Variants in NCOA2 observed in about 807,000 individuals in gnomAD.
NCOA2 encodes the protein nuclear receptor coactivator 2, also known as class E basic helix-loop-helix protein 75.
In NCOA2, 21 loss-of-function variants were observed where a neutral mutation model predicts 145.1. The ratio of observed to expected loss-of-function variants is 0.14; its 90% CI spans 0.10 to 0.21. NCOA2 has a LOEUF of 0.21. Among genes scored for constraint, NCOA2 ranks in the 10% least tolerant of loss-of-function variants. The pLI, the probability that NCOA2 is intolerant of heterozygous loss-of-function variation, is 1.00. For synonymous variants in NCOA2, 619 were observed against 637.5 expected (o/e 0.97, Z 0.44); for missense variants, 1,472 against 1,837.6 (o/e 0.80, Z 3.64).
At position 70,181,326 on chromosome 8, in the gene NCOA2, T is replaced by C. The variant is rs948324276; in HGVS notation, c.260-6467A>G. 4.9e-4 allele frequency among the ~76,000 whole-genome samples: 75 copies of C among 152,370 alleles called. 1 individual carries two copies. The highest frequency in any genetic ancestry group is 9.4e-4 in the Non-Finnish European group (64 of 68,034). On this transcript the variant is annotated intron_variant, in intron 4 of 22. Transcript: ENST00000452400. Reference sequence around the variant, plus strand: ...ACACTGTCATTATGGTAGAAGTTGATACTCTTGCTTTTTCCTTTTTTGGGG... The same window carrying C: ...ACACTGTCATTATGGTAGAAGTTGACACTCTTGCTTTTTCCTTTTTTGGGG...
At chr8:70,426,151 C>T in the NCOA2 span, among the ~76,000 whole-genome samples, 1 of 152,158 alleles carries the variant, frequency 6.6e-6, no homozygotes, top group Non-Finnish European at 1.5e-5. Flanking sequence ...ATACCTTCTA[C>T]TGGGAAGTAA....
chr8:70,445,941 A>G, the NCOA2 span, among the ~76,000 whole-genome samples: 1 of 152,214 alleles, frequency 6.6e-6, no homozygotes, highest in African/African-American at 2.4e-5. Context: ...GAAAAAATAC[A>G]TTCTATCATA....
chr8:70,342,887 G>C (rs1808279511), intron 1 of NCOA2, among the ~76,000 whole-genome samples: 2 of 149,720 alleles, frequency 1.3e-5, no homozygotes, highest in Admixed American at 6.7e-5. Flanking sequence ...ATTTATGTAA[G>C]GTAGATTCCA....
At chr8:70,161,489 AAATAGGATG>A (rs1198935468) in intron 9 of NCOA2, among the ~76,000 whole-genome samples, 11 of 152,206 alleles carry the variant, frequency 7.2e-5, no homozygotes. Context: ...TATTTCTAAA[AAATAGGATG>A]AATAGGATGA....
intron 11 of NCOA2, among the ~76,000 whole-genome samples, chr8:70,151,848 A>G (rs1364778447): frequency 1.3e-5 from 2 of 152,182 alleles, no homozygotes; most frequent in Non-Finnish European, 2.9e-5. Flanking sequence ...AGTTCAGAAT[A>G]TCTATACCCC....
chr8:70,425,926 C>T, the NCOA2 span, among the ~76,000 whole-genome samples: 1 of 152,144 alleles, frequency 6.6e-6, no homozygotes, highest in Non-Finnish European at 1.5e-5. Flanking sequence ...TTCCAAGCAA[C>T]AGGCCTAAGG....
chr8:70,312,437 A>G (rs1396488276), intron 1 of NCOA2, among the ~76,000 whole-genome samples: 2 of 152,212 alleles, frequency 1.3e-5, no homozygotes, highest in African/African-American at 2.4e-5. Context: ...AAGATTTGGA[A>G]TATTTGTAGA....
At chr8:70,241,104 G>A (rs1278099343) in intron 2 of NCOA2, among the ~76,000 whole-genome samples, 1 of 151,968 alleles carries the variant, frequency 6.6e-6, no homozygotes, top group African/African-American at 2.4e-5. Flanking sequence ...GGAATCCCTG[G>A]TATCTGTAAA....
the NCOA2 span, among the ~76,000 whole-genome samples, chr8:70,414,385 C>T: frequency 1.3e-5 from 2 of 152,110 alleles, no homozygotes; most frequent in Non-Finnish European, 2.9e-5. Context: ...ACAATATCAC[C>T]ATTGCCTCAT....
chr8:70,288,278 T>C (rs1485382854), intron 2 of NCOA2, among the ~76,000 whole-genome samples: 3 of 151,722 alleles, frequency 2.0e-5, no homozygotes, highest in Admixed American at 2.0e-4. Context: ...TTTTTTTCCT[T>C]TTAAAAATAT....
the NCOA2 span, among the ~76,000 whole-genome samples, chr8:70,452,260 C>T: frequency 5.3e-5 from 8 of 152,294 alleles, no homozygotes; most frequent in African/African-American, 1.9e-4. Context: ...CAGGTGTGAG[C>T]CACTTCACCT....
At chr8:70,209,870 C>T (rs144452901) in intron 4 of NCOA2, among the ~76,000 whole-genome samples, 2,683 of 152,228 alleles carry the variant, frequency 0.018, 31 homozygotes, top group Middle Eastern at 0.054. Context: ...TGGAACTGAA[C>T]CTGCAGTATC....
chr8:70,439,429 G>A, the NCOA2 span, among the ~76,000 whole-genome samples: 42 of 152,292 alleles, frequency 2.8e-4, no homozygotes, highest in African/African-American at 9.6e-4. Flanking sequence ...TCTTCTAAGC[G>A]ATTTGGGTCT....
intron 16 of NCOA2, among the ~76,000 whole-genome samples, chr8:70,129,471 G>T (rs781179318): frequency 6.6e-6 from 1 of 152,166 alleles, no homozygotes; most frequent in African/African-American, 2.4e-5. Context: ...TTAAAGACAT[G>T]AATTGAATTG....
intron 4 of NCOA2, among the ~76,000 whole-genome samples, chr8:70,194,775 A>G (rs2133352514): frequency 6.7e-6 from 1 of 149,800 alleles, no homozygotes; most frequent in Non-Finnish European, 1.5e-5. Flanking sequence ...TATTCTTCCT[A>G]GTAAACTAAA....
intron 1 of NCOA2, among the ~76,000 whole-genome samples, chr8:70,351,889 C>A (rs1809280606): frequency 6.6e-6 from 1 of 151,592 alleles, no homozygotes; most frequent in South Asian, 2.1e-4. Context: ...AGTGTGAGTT[C>A]ACTTTTAATC....
intron 1 of NCOA2, among the ~76,000 whole-genome samples, chr8:70,375,876 G>GA (rs1811620337): frequency 6.6e-6 from 1 of 152,162 alleles, no homozygotes; most frequent in African/African-American, 2.4e-5. Context: ...TAGCACTGCT[G>GA]AATTAAGCAT....
At chr8:70,374,591 C>T (rs912294611) in intron 1 of NCOA2, among the ~76,000 whole-genome samples, 1 of 151,802 alleles carries the variant, frequency 6.6e-6, no homozygotes, top group African/African-American at 2.4e-5. Flanking sequence ...TCACTTGAGC[C>T]CTTAAGTTCA....
At chr8:70,184,398 G>A (rs1338571431) in intron 4 of NCOA2, among the ~76,000 whole-genome samples, 2 of 152,202 alleles carry the variant, frequency 1.3e-5, no homozygotes, top group African/African-American at 4.8e-5. Flanking sequence ...AGTGGAGGTT[G>A]TACAAATTGT....
Sources: gnomAD v4.1 joint callset for allele counts (sites outside exome capture counted in the v4.1 genomes callset) on GRCh38, gnomAD v4.1.1 for gene constraint, MANE v1.5 for transcripts, NCBI Gene and HGNC (gene_info 2026-07-23, HGNC 2026-07-21) for gene names.